The following BRCA1 variants were observed in gnomAD, a reference collection of about 807,000 sequenced individuals.
The protein encoded by BRCA1 is breast cancer type 1 susceptibility protein.
BRCA1 carries 140 observed loss-of-function variants against 173.7 expected under a neutral mutation model. The observed-to-expected ratio is 0.81, with a 90% CI of 0.70 to 0.93. The LOEUF (loss-of-function observed/expected upper bound fraction) is 0.93, where lower values mean the gene tolerates loss of function less well. BRCA1 is among the 40% of genes least tolerant of loss of function. BRCA1 has a pLI of 0.00. For missense variants in BRCA1, 1,983 were observed against 2,172.5 expected (o/e 0.91, Z 1.73); for synonymous variants, 662 against 756.0 (o/e 0.88, Z 2.04).
intron 2 of BRCA1, among the ~76,000 whole-genome samples, chr17:43,123,364 T>G (rs2055677417): frequency 1.4e-5 from 2 of 147,902 alleles, no homozygotes. Flanking sequence ...TTTTTTTTTT[T>G]TTTTTTTTTT....
rs201866997 is a variant in BRCA1, at chr17:43,124,125, A to G, written c.-19-10T>C. ...TTTCTGTTCCAATGAACTTTAACACATTAGAAAAACATATATATATATCTT... is the reference window on the plus strand; with the variant it reads ...TTTCTGTTCCAATGAACTTTAACACGTTAGAAAAACATATATATATATCTT... On this transcript the variant is annotated splice_polypyrimidine_tract_variant and intron_variant, in intron 1 of 22. Coordinates refer to ENST00000357654, the MANE Select transcript of BRCA1 (RefSeq NM_007294.4). 36 of 1,478,326 alleles carry G rather than the reference A, an allele frequency of 2.4e-5. No individual in the cohort carries two copies. Among genetic ancestry groups the G allele is most frequent in the African/African-American group, 2.1e-4 (15 of 71,906 alleles). 91.6% of individuals were successfully genotyped at this position (1,478,326 alleles called of 1,614,324 possible).
chr17:43,094,661 T>A lies in BRCA1; in HGVS notation c.870A>T (p.Leu290Phe). 6.2e-7 allele frequency: 1 copy of A among 1,614,162 alleles called. No individual in the cohort carries two copies. Among genetic ancestry groups the A allele is most frequent in the Non-Finnish European group, 8.5e-7 (1 of 1,180,030 alleles). The change falls in exon 10 of 23, where the codon TTA becomes TTT. Residue 290 changes from leucine (L) to phenylalanine (F), a missense_variant. Physicochemically the swap from Leu to Phe is conservative, Grantham distance 22 (BLOSUM62 0). Coordinates refer to ENST00000357654, the MANE Select transcript of BRCA1 (RefSeq NM_007294.4). ...ASSLQHENSS[L>F]LLTKDRMNVE... ...CATTCATTCTGTCTTTAGTGAGTAA[T>A]AAACTGCTGTTCTCATGCTGTAATG... is the stretch of plus-strand genomic sequence containing the variant.
At chr17:43,071,874 GGC>G in intron 14 of BRCA1, among the ~76,000 whole-genome samples, 4 of 151,624 alleles carry the variant, frequency 2.6e-5, no homozygotes. Context: ...TGGGCGTGGT[GGC>G]GGGCGCCTGT....
At chr17:43,114,660 T>C (rs1415306161) in intron 3 of BRCA1, among the ~76,000 whole-genome samples, 1 of 151,918 alleles carries the variant, frequency 6.6e-6, no homozygotes, top group Non-Finnish European at 1.5e-5. Context: ...GAGGCAGGGG[T>C]TGTAGGGTAA....
At chr17:43,129,328 C>T (rs1195976298), upstream of BRCA1, among the ~76,000 whole-genome samples, 1 of 152,230 alleles carries the variant, frequency 6.6e-6, no homozygotes, top group Non-Finnish European at 1.5e-5. Context: ...TCCAGCTAAG[C>T]TAGAATCTCC....
Position 43,045,294 on chromosome 17 carries a change from GA to G in BRCA1, c.*383del, listed in dbSNP as rs1567755926. 1.8e-6 allele frequency: 1 copy of G among 550,978 alleles called. No individual in the cohort carries two copies. Among genetic ancestry groups the G allele is most frequent in the Non-Finnish European group, 3.5e-6 (1 of 288,194 alleles). The allele number at this position is 550,978 out of a possible 1,614,324, so 34.1% of individuals were successfully genotyped here. On this transcript the variant is annotated 3_prime_UTR_variant, in exon 23 of 23. Coordinates refer to ENST00000357654, the MANE Select transcript of BRCA1 (RefSeq NM_007294.4). ...AGGGTTTTAGAGAAGTAAACTTAGG[GA>G]AACCAGCTATTCTCTTGAGGCCAAG... is the stretch of plus-strand genomic sequence containing the variant.
At chr17:43,135,988 C>T (rs746549514) in intron 1 of BRCA1, among the ~76,000 whole-genome samples, 8 of 152,182 alleles carry the variant, frequency 5.3e-5, no homozygotes, top group Non-Finnish European at 7.3e-5. Context: ...GCAGAGTGAG[C>T]ATAAAAGGGC....
chr17:43,104,950 T>C lies in BRCA1; in HGVS notation c.219A>G (p.Leu73=), dbSNP rs876659123. The C allele has an allele frequency of 1.2e-6, 2 of 1,613,342 alleles. No homozygotes were observed. The highest frequency in any genetic ancestry group is 3.3e-5 in the Admixed American group (2 of 60,016). Residue 73 remains leucine (L), a synonymous_variant, in exon 5 of 23, where the codon CTA becomes CTG. Coordinates refer to ENST00000357654, the MANE Select transcript of BRCA1 (RefSeq NM_007294.4). ...GTTGACTAAATCTCGTACTTTCTTG[T>C]AGGCTCCTGAAATTAAATTGTTTGA... ...LCKNDITKRS[L]QESTRFSQLV...
chr17:43,051,569 C>G, intron 19 of BRCA1, among the ~76,000 whole-genome samples: 1 of 151,872 alleles, frequency 6.6e-6, no homozygotes, highest in East Asian at 1.9e-4. Flanking sequence ...ACCTCAAGTA[C>G]TCACTATGAC....
At chr17:43,067,395 C>T in intron 16 of BRCA1, 2 of 428,576 alleles carry the variant, frequency 4.7e-6, no homozygotes, top group East Asian at 4.9e-5. Flanking sequence ...GCTGGGACTA[C>T]AGGCGCACGC....
intron 1 of BRCA1, chr17:43,138,907 C>T (rs548526052): frequency 1.3e-6 from 1 of 778,906 alleles, no homozygotes; most frequent in South Asian, 1.3e-5. Context: ...CTTCCATCCT[C>T]TGGAAATCAG....
intron 16 of BRCA1, among the ~76,000 whole-genome samples, chr17:43,066,910 T>C (rs2052104825): frequency 7.0e-6 from 1 of 143,380 alleles, no homozygotes; most frequent in African/African-American, 2.6e-5. Context: ...CTCCACCTCC[T>C]GGGTTCAAGC....
chr17:43,085,217 A>G (rs887518193), intron 11 of BRCA1, among the ~76,000 whole-genome samples: 5 of 152,124 alleles, frequency 3.3e-5, no homozygotes, highest in African/African-American at 1.2e-4. Context: ...TCTTCCATAA[A>G]GACCCTTAGT....
intron 2 of BRCA1, among the ~76,000 whole-genome samples, chr17:43,116,650 T>C (rs925382187): frequency 2.0e-5 from 3 of 152,146 alleles, no homozygotes; most frequent in Non-Finnish European, 4.4e-5. Flanking sequence ...TCCCAGGTAG[T>C]TGGAACTACA....
chr17:43,157,235 A>C (rs371010631), intron 1 of BRCA1, among the ~76,000 whole-genome samples: 34 of 152,334 alleles, frequency 2.2e-4, no homozygotes, highest in African/African-American at 5.8e-4. Context: ...AGGCTGAAAA[A>C]CTTACCTACC....
In BRCA1 at chr17:43,097,323, A is replaced by C. The variant is rs1442560766; in HGVS notation, c.548-34T>G. On this transcript the variant is annotated intron_variant, in intron 7 of 22. Transcript: ENST00000357654. ...TTTCCCCCCAAAAAATAAATCAATA[A>C]AAGTTTTCTTAATTAAAAGGGTTAA... 6.4e-7 allele frequency: 1 copy of C among 1,557,846 alleles called. No individual in the cohort carries two copies. Among genetic ancestry groups the C allele is most frequent in the South Asian group, 1.1e-5 (1 of 89,196 alleles).
At chr17:43,076,659 T>G in intron 12 of BRCA1, 45 bp from the exon 13 acceptor site, 1 of 1,603,006 alleles carries the variant, frequency 6.2e-7, no homozygotes, top group Non-Finnish European at 8.5e-7. Flanking sequence ...TGCTTTGTTC[T>G]GATAGTGATA....
intron 2 of BRCA1, among the ~76,000 whole-genome samples, chr17:43,122,489 T>C (rs1222821180): frequency 1.3e-5 from 2 of 152,178 alleles, no homozygotes; most frequent in South Asian, 2.1e-4. Flanking sequence ...ATACATTACA[T>C]AGAATGTCAG....
chr17:43,095,805 C>T (rs2054105782), intron 9 of BRCA1, 41 bp downstream of exon 9: 2 of 1,512,908 alleles, frequency 1.3e-6, no homozygotes, highest in Admixed American at 1.7e-5. Context: ...TCTACCCACT[C>T]TCTTTTCAGT....
Sources: allele counts gnomAD v4.1 joint callset (sites outside exome capture counted in the v4.1 genomes callset), GRCh38; gene constraint gnomAD v4.1.1; transcripts MANE v1.5; gene names NCBI Gene and HGNC (gene_info 2026-07-23, HGNC 2026-07-21).